The following KHDRBS2 variants were observed in gnomAD, a reference collection of about 807,000 sequenced individuals.
KHDRBS2 encodes the protein KH RNA binding domain containing, signal transduction associated 2, also known as KH domain-containing, RNA-binding, signal transduction-associated protein 2.
In KHDRBS2, 26 loss-of-function variants were observed where a neutral mutation model predicts 44.3. The observed-to-expected ratio is 0.59, with a 90% CI of 0.43 to 0.81. KHDRBS2 has a LOEUF of 0.81. KHDRBS2 is among the 40% of genes least tolerant of loss of function. The pLI is 0.00. For synonymous variants in KHDRBS2, 194 were observed against 151.1 expected (o/e 1.28, Z -2.08); for missense variants, 476 against 433.1 (o/e 1.10, Z -0.88).
chr6:61,663,496 A>G, the KHDRBS2 span, among the ~76,000 whole-genome samples: 3 of 10,770 alleles, frequency 2.8e-4, no homozygotes, highest in African/African-American at 8.9e-4. Context: ...AAGGCATGAG[A>G]CACCATATAT....
At chr6:62,183,578 C>A (rs1270290121) in intron 1 of KHDRBS2, among the ~76,000 whole-genome samples, 1 of 151,434 alleles carries the variant, frequency 6.6e-6, no homozygotes, top group Non-Finnish European at 1.5e-5. Flanking sequence ...GTTTCTAGTT[C>A]TATGGAAATT....
At chr6:62,105,414 T>G (rs1240511122) in intron 2 of KHDRBS2, among the ~76,000 whole-genome samples, 2 of 152,196 alleles carry the variant, frequency 1.3e-5, no homozygotes, top group Non-Finnish European at 2.9e-5. Context: ...TCCTGGAGTC[T>G]TTTTGGTTGG....
chr6:61,792,999 C>A (rs1036056131), intron 6 of KHDRBS2, among the ~76,000 whole-genome samples: 2 of 151,810 alleles, frequency 1.3e-5, no homozygotes, highest in African/African-American at 4.8e-5. Context: ...GGGTTTCCTC[C>A]ACTCAATATC....
chr6:62,077,447 T>A (rs1796565743), intron 2 of KHDRBS2, among the ~76,000 whole-genome samples: 1 of 152,082 alleles, frequency 6.6e-6, no homozygotes, highest in African/African-American at 2.4e-5. Context: ...AATACTCATA[T>A]GTACGTCTGC....
intron 7 of KHDRBS2, among the ~76,000 whole-genome samples, chr6:61,706,788 TTA>T (rs1385548833): frequency 4.0e-5 from 6 of 151,782 alleles, no homozygotes; most frequent in African/African-American, 1.4e-4. Flanking sequence ...TCAACCTACT[TTA>T]TCTCAGTTTA....
At chr6:61,689,756 TTC>T (rs1767192169) in intron 8 of KHDRBS2, among the ~76,000 whole-genome samples, 1 of 152,026 alleles carries the variant, frequency 6.6e-6, no homozygotes, top group Non-Finnish European at 1.5e-5. Flanking sequence ...TTCGTCTATT[TTC>T]TGGCATCTCT....
intron 4 of KHDRBS2, among the ~76,000 whole-genome samples, chr6:61,929,117 G>T (rs1208922643): frequency 6.6e-6 from 1 of 151,746 alleles, no homozygotes; most frequent in East Asian, 1.9e-4. Flanking sequence ...CAATCTATGG[G>T]AAAGTTGAAT....
intron 2 of KHDRBS2, among the ~76,000 whole-genome samples, chr6:62,148,572 T>A (rs541057477): frequency 6.6e-6 from 1 of 151,974 alleles, no homozygotes; most frequent in African/African-American, 2.4e-5. Flanking sequence ...CAAACCTGCC[T>A]CCAATTTTGT....
intron 1 of KHDRBS2, among the ~76,000 whole-genome samples, chr6:62,248,838 A>G (rs1836054630): frequency 2.6e-5 from 4 of 151,920 alleles, no homozygotes; most frequent in African/African-American, 7.3e-5. Flanking sequence ...ACACAGCAAG[A>G]CAACTACAGG....
At chr6:62,005,149 T>C (rs1778983024) in intron 3 of KHDRBS2, among the ~76,000 whole-genome samples, 1 of 152,150 alleles carries the variant, frequency 6.6e-6, no homozygotes, top group African/African-American at 2.4e-5. Context: ...TTAATGGTCA[T>C]TAATCAGTTG....
At chr6:61,697,766 A>G (rs192862525) in intron 7 of KHDRBS2, among the ~76,000 whole-genome samples, 8 of 152,266 alleles carry the variant, frequency 5.3e-5, no homozygotes, top group Admixed American at 3.3e-4. Context: ...AGATGCTTCC[A>G]TATTTCAATA....
chr6:61,559,353 GTT>G, the KHDRBS2 span, among the ~76,000 whole-genome samples: 7 of 146,546 alleles, frequency 4.8e-5, no homozygotes, highest in Non-Finnish European at 1.1e-4. Flanking sequence ...TTGGGTTTGG[GTT>G]TTTTTTTTTC....
chr6:62,189,551 C>T (rs541437367), intron 1 of KHDRBS2, among the ~76,000 whole-genome samples: 18 of 152,096 alleles, frequency 1.2e-4, no homozygotes, highest in Non-Finnish European at 2.2e-4. Flanking sequence ...AAGTGCAATG[C>T]TAAAATTTTG....
the KHDRBS2 span, among the ~76,000 whole-genome samples, chr6:61,603,290 C>A: frequency 6.6e-6 from 1 of 152,118 alleles, no homozygotes; most frequent in African/African-American, 2.4e-5. Context: ...GGTGCCAAAC[C>A]CATATACTCT....
chr6:62,279,474 C>A (rs1364143602), intron 1 of KHDRBS2, among the ~76,000 whole-genome samples: 1 of 152,110 alleles, frequency 6.6e-6, no homozygotes, highest in Non-Finnish European at 1.5e-5. Flanking sequence ...AGGCCTTCTA[C>A]ATATAAGACT....
At chr6:62,274,409 A>G (rs1490819232) in intron 1 of KHDRBS2, among the ~76,000 whole-genome samples, 4 of 152,160 alleles carry the variant, frequency 2.6e-5, no homozygotes, top group Admixed American at 1.3e-4. Context: ...CATTGCTTGT[A>G]GCATAAAATC....
chr6:61,969,939 G>C (rs1224122361), intron 4 of KHDRBS2, among the ~76,000 whole-genome samples: 1 of 151,810 alleles, frequency 6.6e-6, no homozygotes, highest in South Asian at 2.1e-4. Flanking sequence ...CTTGGTATAA[G>C]AGAGCAACTA....
chr6:62,007,385 C>G (rs1415521067), intron 3 of KHDRBS2, among the ~76,000 whole-genome samples: 2 of 151,426 alleles, frequency 1.3e-5, no homozygotes, highest in African/African-American at 2.4e-5. Context: ...TTGGTTAAAG[C>G]TCTTTTACAT....
At chr6:62,006,399 A>G (rs912241673) in intron 3 of KHDRBS2, among the ~76,000 whole-genome samples, 2 of 152,084 alleles carry the variant, frequency 1.3e-5, no homozygotes, top group Admixed American at 6.6e-5. Context: ...ATTTTCTCCA[A>G]AGAAATTGCT....
Sources: allele counts gnomAD v4.1 joint callset (sites outside exome capture counted in the v4.1 genomes callset), GRCh38; gene constraint gnomAD v4.1.1; transcripts MANE v1.5; gene names NCBI Gene and HGNC (gene_info 2026-07-23, HGNC 2026-07-21).